The following PPP3CA variants were observed in gnomAD, a reference collection of about 807,000 sequenced individuals.
PPP3CA encodes the protein protein phosphatase 3 catalytic subunit alpha, also known as CAM-PRP catalytic subunit.
A neutral mutation model predicts 66.5 loss-of-function variants in PPP3CA; 14 were observed. The observed-to-expected ratio is 0.21, with a 90% CI of 0.14 to 0.33. The LOEUF (loss-of-function observed/expected upper bound fraction) is 0.33. Ranked by LOEUF, PPP3CA falls within the 10% of genes least tolerant of loss-of-function variation. The probability of loss-of-function intolerance (pLI) is 1.00; values close to 1 mark genes in which losing one functional copy is unlikely to be tolerated. For missense variants in PPP3CA, 317 were observed against 639.5 expected (o/e 0.50, Z 5.44); for synonymous variants, 232 against 226.2 (o/e 1.03, Z -0.23).
intron 3 of PPP3CA, among the ~76,000 whole-genome samples, chr4:101,102,240 G>C (rs529481617): frequency 6.6e-6 from 1 of 150,940 alleles, no homozygotes; most frequent in South Asian, 2.1e-4. Context: ...AGGAGGGAGG[G>C]AGGCAGAGAA....
In PPP3CA at chr4:101,269,553, CGTGTGTGT is replaced by C. The variant is rs55721209; in HGVS notation, c.59-73445_59-73438del. 4.0e-3 allele frequency among the ~76,000 whole-genome samples: 539 copies of C among 135,976 alleles called. 5 individuals carry two copies. The highest frequency in any genetic ancestry group is 9.7e-3 in the African/African-American group (353 of 36,576). The allele number at this position is 135,976 out of a possible 152,430, so 89.2% of individuals were successfully genotyped here. ...ACATAAGCTCCATACAAACAAGGAA[CGTGTGTGT>C]GTGTGTGTGTGTGTGTGTGTGTGTG... On this transcript the variant is annotated intron_variant, in intron 1 of 13. Transcript: ENST00000394854.
At chr4:101,339,080 T>C (rs1397480830) in intron 1 of PPP3CA, among the ~76,000 whole-genome samples, 2 of 152,182 alleles carry the variant, frequency 1.3e-5, no homozygotes, top group Non-Finnish European at 2.9e-5. Context: ...TCATAGCCCA[T>C]GTATCTTTCC....
chr4:101,121,347 T>C (rs1722022510), intron 2 of PPP3CA, among the ~76,000 whole-genome samples: 1 of 152,126 alleles, frequency 6.6e-6, no homozygotes, highest in South Asian at 2.1e-4. Flanking sequence ...ATTACTTCAT[T>C]AAATTTCCAA....
chr4:101,154,808 ATTTTTTTTTT>A (rs779695561), intron 2 of PPP3CA, among the ~76,000 whole-genome samples: 25 of 90,586 alleles, frequency 2.8e-4, no homozygotes, highest in East Asian at 1.9e-3. Flanking sequence ...CACTCCCAGA[ATTTTTTTTTT>A]TTTTTTTTTT....
chr4:101,326,635 A>C (rs1729217234), intron 1 of PPP3CA, among the ~76,000 whole-genome samples: 1 of 152,212 alleles, frequency 6.6e-6, no homozygotes, highest in South Asian at 2.1e-4. Context: ...GGTAGCATTT[A>C]ATGAAGTCTC....
intron 10 of PPP3CA, among the ~76,000 whole-genome samples, chr4:101,051,637 C>T (rs1578404788): frequency 6.6e-6 from 1 of 152,198 alleles, no homozygotes; most frequent in Admixed American, 6.6e-5. Flanking sequence ...TACAGAGATT[C>T]TTTGCTTTCA....
intron 1 of PPP3CA, among the ~76,000 whole-genome samples, chr4:101,246,314 GT>G (rs747434762): frequency 3.6e-4 from 55 of 152,168 alleles, no homozygotes; most frequent in Non-Finnish European, 7.1e-4. Flanking sequence ...GCACTGGTAT[GT>G]TTTAAGAGAG....
intron 1 of PPP3CA, among the ~76,000 whole-genome samples, chr4:101,323,256 A>C (rs1389467345): frequency 6.6e-6 from 1 of 152,196 alleles, no homozygotes; most frequent in Non-Finnish European, 1.5e-5. Context: ...AATAGAGCGA[A>C]ACTATAAAAT....
At chr4:101,056,773 G>A (rs1254209463) in intron 10 of PPP3CA, among the ~76,000 whole-genome samples, 1 of 151,422 alleles carries the variant, frequency 6.6e-6, no homozygotes, top group Non-Finnish European at 1.5e-5. Flanking sequence ...GCTACAGGCT[G>A]CAGGCAGGAA....
At chr4:101,241,552 A>G (rs1297974613) in intron 1 of PPP3CA, among the ~76,000 whole-genome samples, 2 of 152,152 alleles carry the variant, frequency 1.3e-5, no homozygotes, top group African/African-American at 4.8e-5. Flanking sequence ...GTCATATTGT[A>G]GAATATTTAG....
At chr4:101,228,474 G>A (rs1208952010) in intron 1 of PPP3CA, among the ~76,000 whole-genome samples, 1 of 151,468 alleles carries the variant, frequency 6.6e-6, no homozygotes, top group East Asian at 1.9e-4. Context: ...TGACATTAGA[G>A]TCTTGATTAA....
intron 1 of PPP3CA, among the ~76,000 whole-genome samples, chr4:101,336,247 G>A (rs1729630646): frequency 6.6e-6 from 1 of 150,960 alleles, no homozygotes; most frequent in East Asian, 2.0e-4. Context: ...ACAAAAACAT[G>A]CTGGGTGAGG....
chr4:101,346,761 C>G lies in PPP3CA; in HGVS notation c.36G>C (p.Ser12=), dbSNP rs1156268350. ...TACCTTTCACCACCCTGTCGGTCGT[C>G]GACAACTTGGGATCAATTGCCTTGG... ...SEPKAIDPKL[S]TTDRVVKAVP... The change falls in exon 1 of 14, where the codon TCG becomes TCC. Residue 12 remains serine (S), a synonymous_variant. Coordinates refer to ENST00000394854, the MANE Select transcript of PPP3CA (RefSeq NM_000944.5). The G allele has an allele frequency of 6.2e-7, 1 of 1,611,790 alleles. No individual in the cohort carries two copies. The highest frequency in any genetic ancestry group is 8.5e-7 in the Non-Finnish European group (1 of 1,179,278).
chr4:101,229,319 G>T (rs1311708547), intron 1 of PPP3CA, among the ~76,000 whole-genome samples: 2 of 151,566 alleles, frequency 1.3e-5, no homozygotes, highest in East Asian at 3.9e-4. Flanking sequence ...CAGCCCCAAA[G>T]CTAAGACAGC....
chr4:101,225,565 T>C (rs1197443849), intron 1 of PPP3CA, among the ~76,000 whole-genome samples: 2 of 151,858 alleles, frequency 1.3e-5, no homozygotes, highest in Non-Finnish European at 2.9e-5. Flanking sequence ...AATAATTTAT[T>C]GGTTCCAGAA....
At chr4:101,259,950 G>A (rs188181790) in intron 1 of PPP3CA, among the ~76,000 whole-genome samples, 142 of 152,240 alleles carry the variant, frequency 9.3e-4, no homozygotes, top group Non-Finnish European at 1.6e-3. Flanking sequence ...GTCAAGGCAC[G>A]AACATAAGAA....
chr4:101,198,197 A>G (rs1255330646), intron 1 of PPP3CA, among the ~76,000 whole-genome samples: 4 of 151,910 alleles, frequency 2.6e-5, no homozygotes, highest in Admixed American at 6.6e-5. Flanking sequence ...GGGTTATTCT[A>G]TTTTTTTTCC....
At chr4:101,291,392 G>C (rs1042296066) in intron 1 of PPP3CA, among the ~76,000 whole-genome samples, 2 of 152,114 alleles carry the variant, frequency 1.3e-5, no homozygotes, top group African/African-American at 4.8e-5. Context: ...TCTGAGGATT[G>C]CCTTCCCAAC....
chr4:101,282,389 C>G (rs947180319), intron 1 of PPP3CA, among the ~76,000 whole-genome samples: 1 of 152,146 alleles, frequency 6.6e-6, no homozygotes, highest in Non-Finnish European at 1.5e-5. Flanking sequence ...AGATACAGGT[C>G]CAGACCTCTT....
Sources: gnomAD v4.1 joint callset for allele counts (sites outside exome capture counted in the v4.1 genomes callset) on GRCh38, gnomAD v4.1.1 for gene constraint, MANE v1.5 for transcripts, NCBI Gene and HGNC (gene_info 2026-07-23, HGNC 2026-07-21) for gene names.